The following MTREX variants were observed in gnomAD, a reference collection of about 807,000 sequenced individuals.
MTREX encodes Mtr4 exosome RNA helicase.
A neutral mutation model predicts 135.4 loss-of-function variants in MTREX; 76 were observed. That is an observed-to-expected ratio of 0.56 (90% CI 0.47 to 0.68). The LOEUF (loss-of-function observed/expected upper bound fraction) is 0.68, where lower values mean the gene tolerates loss of function less well. Ranked by LOEUF, MTREX falls within the 30% of genes least tolerant of loss-of-function variation. The pLI is 0.00. For missense variants in MTREX, 920 were observed against 1,262.1 expected, an observed-to-expected ratio of 0.73 and a Z score of 4.11; for synonymous variants, 404 against 401.6, an observed-to-expected ratio of 1.01 and a Z score of -0.07.
intron 13 of MTREX, 98 bp downstream of exon 13, chr5:55,351,127 A>G: frequency 7.5e-7 from 1 of 1,341,056 alleles, no homozygotes; most frequent in Non-Finnish European, 9.7e-7. Context: ...TGTGTTTTTA[A>G]CAAGGCTTAA....
chr5:55,379,610 A>ACT (rs1367184597), intron 18 of MTREX, among the ~76,000 whole-genome samples: 10 of 150,796 alleles, frequency 6.6e-5, no homozygotes, highest in Non-Finnish European at 1.2e-4. Flanking sequence ...ACACACACAC[A>ACT]CTCAGAGAGA....
At position 55,400,294 on chromosome 5, in the gene MTREX, T is replaced by G; in HGVS notation, c.2354T>G (p.Ile785Ser). ...PLLDPIDDMG[I>S]QDQGLKKVIQ... ...TTAGACCCTATTGATGATATGGGCATTCAAGATCAAGGGCTGAAAAAAGTC... is the reference window on the plus strand; with the variant it reads ...TTAGACCCTATTGATGATATGGGCAGTCAAGATCAAGGGCTGAAAAAAGTC... The change falls in exon 21 of 27, where the codon ATT becomes AGT. Residue 785 changes from isoleucine (I) to serine (S), a missense_variant. By Grantham distance (142) the Ile-to-Ser change is moderately radical. Coordinates refer to ENST00000230640, the MANE Select transcript of MTREX (RefSeq NM_015360.5). 2.5e-6 allele frequency: 4 copies of G among 1,613,430 alleles called. No homozygotes were observed. The highest frequency in any genetic ancestry group is 3.4e-6 in the Non-Finnish European group (4 of 1,179,626).
At chr5:55,378,539 T>G in intron 17 of MTREX, 53 bp downstream of exon 17, 1 of 1,516,628 alleles carries the variant, frequency 6.6e-7, no homozygotes. Context: ...TTTAAACATA[T>G]TTTTGTTAAA....
chr5:55,408,825 A>G (rs1416974181), intron 22 of MTREX, among the ~76,000 whole-genome samples: 1 of 152,188 alleles, frequency 6.6e-6, no homozygotes. Flanking sequence ...AAAGCACTGT[A>G]GTCAAAGTGA....
intron 1 of MTREX, among the ~76,000 whole-genome samples, chr5:55,319,458 C>T (rs1009031746): frequency 5.9e-5 from 9 of 152,130 alleles, no homozygotes; most frequent in Non-Finnish European, 1.2e-4. Flanking sequence ...TCTGTAATTA[C>T]AGGCTAGTTA....
chr5:55,416,867 G>C (rs1350327168), intron 25 of MTREX, among the ~76,000 whole-genome samples: 1 of 152,034 alleles, frequency 6.6e-6, no homozygotes, highest in African/African-American at 2.4e-5. Flanking sequence ...AATAAGAACT[G>C]CTACTATTGC....
chr5:55,335,268 T>C (rs1239990023), intron 5 of MTREX, among the ~76,000 whole-genome samples: 1 of 152,116 alleles, frequency 6.6e-6, no homozygotes, highest in Non-Finnish European at 1.5e-5. Flanking sequence ...TTCTGTGGCT[T>C]GTCTCAATTT....
At chr5:55,386,744 A>T (rs922730616) in intron 18 of MTREX, among the ~76,000 whole-genome samples, 2 of 152,176 alleles carry the variant, frequency 1.3e-5, no homozygotes, top group African/African-American at 4.8e-5. Context: ...AACATTAAAG[A>T]TTGCTCATAC....
intron 1 of MTREX, among the ~76,000 whole-genome samples, chr5:55,315,860 GAAAA>G (rs11341721): frequency 1.0e-5 from 1 of 96,886 alleles, no homozygotes; most frequent in African/African-American, 3.8e-5. Context: ...GACCCAACTT[GAAAA>G]AAAAAAAAAA....
intron 13 of MTREX, among the ~76,000 whole-genome samples, chr5:55,351,514 A>G (rs970669388): frequency 2.6e-5 from 4 of 152,196 alleles, no homozygotes; most frequent in Non-Finnish European, 5.9e-5. Context: ...CCTGGACAAC[A>G]AGAGCAAAAC....
intron 10 of MTREX, among the ~76,000 whole-genome samples, chr5:55,346,511 T>G (rs1749735517): frequency 6.6e-6 from 1 of 152,258 alleles, no homozygotes; most frequent in Non-Finnish European, 1.5e-5. Context: ...TAGTATTGTA[T>G]GTCTGATTAT....
rs200762290 is a variant in MTREX at position 55,398,477 on chromosome 5, CTT to C, written c.2292+954_2292+955del. ...AAAATTTTTATGTAGATGTGGATAT[CTT>C]TTCCAAAACAATCACTCCTAGAAGG... On this transcript the variant is annotated intron_variant, in intron 20 of 26. Transcript: ENST00000230640. Among the ~76,000 whole-genome samples the C allele has an allele frequency of 9.7e-3, 1,475 of 152,202 alleles. 7 individuals carry two copies. The highest frequency in any genetic ancestry group is 0.016 in the Non-Finnish European group (1,067 of 67,998).
intron 23 of MTREX, among the ~76,000 whole-genome samples, chr5:55,413,681 C>T (rs906745389): frequency 1.3e-5 from 2 of 152,142 alleles, no homozygotes; most frequent in East Asian, 3.9e-4. Context: ...AAACTTTTAG[C>T]TGTCTTATAC....
At chr5:55,370,560 G>A (rs1211421735) in intron 16 of MTREX, among the ~76,000 whole-genome samples, 2 of 152,140 alleles carry the variant, frequency 1.3e-5, no homozygotes, top group African/African-American at 2.4e-5. Flanking sequence ...TTTTAAAGGG[G>A]CAGGCTCTGT....
At position 55,388,090 on chromosome 5, in the gene MTREX, A is replaced by C. The variant is rs1258384287; in HGVS notation, c.2169A>C (p.Lys723Asn). The change falls in exon 19 of 27, where the codon AAA becomes AAC. Residue 723 changes from lysine to asparagine, a missense_variant. Lys to Asn is a moderately conservative substitution (Grantham distance 94, BLOSUM62 0). Around this residue, in one of 6 missense-constraint regions of MTREX, gnomAD observed 467 missense variants for 589.7 expected, o/e 0.79. Transcript: ENST00000230640. ...CAAAACCAGCTAAACCTGATGAGAA[A>C]GGAGAGATGCAGGTTTGTACATAAC... ...EAAKPAKPDE[K>N]GEMQVVPVLV... 1 of 1,606,072 alleles carries C rather than the reference A, an allele frequency of 6.2e-7. No homozygotes were observed. Among genetic ancestry groups the C allele is most frequent in the African/African-American group, 1.3e-5 (1 of 74,782 alleles).
intron 3 of MTREX, chr5:55,327,461 C>A: frequency 2.7e-6 from 1 of 371,162 alleles, no homozygotes; most frequent in South Asian, 4.1e-5. Flanking sequence ...ACACAGTTTC[C>A]TCAGGGAGAT....
chr5:55,405,477 T>C lies in MTREX; in HGVS notation c.2534T>C (p.Val845Ala). The change falls in exon 22 of 27, where the codon GTC becomes GCC. Residue 845 changes from valine to alanine, a missense_variant. By Grantham distance (64) the Val-to-Ala change is moderately conservative. Transcript: ENST00000230640. ...CGAGAACTGAAGAAAGCAAGAACAG[T>C]CCTACAAATGGATGAACTCAAATGT... is the stretch of plus-strand genomic sequence containing the variant. ...AKRELKKART[V>A]LQMDELKCRK... 1 of 1,613,950 alleles carries C rather than the reference T, an allele frequency of 6.2e-7. No homozygotes were observed. Among genetic ancestry groups the C allele is most frequent in the Non-Finnish European group, 8.5e-7 (1 of 1,179,876 alleles).
At chr5:55,416,232 G>A in intron 25 of MTREX, 100 bp downstream of exon 25, 24 of 721,378 alleles carry the variant, frequency 3.3e-5, no homozygotes, top group East Asian at 9.8e-5. Context: ...TTTAATATTT[G>A]GTAACTAAAT....
chr5:55,398,569 G>A (rs1484096771), intron 20 of MTREX, among the ~76,000 whole-genome samples: 1 of 152,118 alleles, frequency 6.6e-6, no homozygotes, highest in Non-Finnish European at 1.5e-5. Flanking sequence ...TGTTTTTTCT[G>A]ATATTTTCAG....
Sources: gnomAD v4.1 joint callset for allele counts (sites outside exome capture counted in the v4.1 genomes callset) on GRCh38, gnomAD v4.1.1 for gene constraint, gnomAD v4.1.1 regional missense constraint, MANE v1.5 for transcripts, NCBI Gene and HGNC (gene_info 2026-07-23, HGNC 2026-07-21) for gene names.